The following FGF14 variants were observed in gnomAD, a reference collection of about 807,000 sequenced individuals.
The protein encoded by FGF14 is fibroblast growth factor 14.
FGF14 carries 5 observed loss-of-function variants against 25.5 expected under a neutral mutation model. The observed-to-expected ratio is 0.20, with a 90% confidence interval of 0.10 to 0.41. FGF14 has a LOEUF of 0.41. Ranked by LOEUF, FGF14 falls within the 10% of genes least tolerant of loss-of-function variation. The pLI is 1.00. For synonymous variants in FGF14, 138 were observed against 118.3 expected (o/e 1.17, Z -1.08); for missense variants, 222 against 320.1 (o/e 0.69, Z 2.34).
chr13:102,074,608 T>C (rs904696882), intron 1 of FGF14, among the ~76,000 whole-genome samples: 1 of 152,122 alleles, frequency 6.6e-6, no homozygotes, highest in East Asian at 1.9e-4. Flanking sequence ...TACCCTGATA[T>C]AAAAGCTAGA....
chr13:102,015,807 C>T (rs932741893), intron 1 of FGF14, among the ~76,000 whole-genome samples: 2 of 152,084 alleles, frequency 1.3e-5, no homozygotes, highest in African/African-American at 2.4e-5. Flanking sequence ...GAAAAAAAAT[C>T]GACTTAAAGA....
At chr13:102,190,473 C>G (rs1355349389) in intron 1 of FGF14, among the ~76,000 whole-genome samples, 2 of 152,120 alleles carry the variant, frequency 1.3e-5, no homozygotes, top group Non-Finnish European at 2.9e-5. Context: ...AAGGATCCTA[C>G]AATGCCCAGA....
In FGF14 at chr13:101,714,135, T is replaced by G; in HGVS notation, c.*8696A>C. On this transcript the variant is annotated 3_prime_UTR_variant, in exon 5 of 5. Coordinates refer to ENST00000376143, the MANE Select transcript of FGF14 (RefSeq NM_004115.4). The stretch of plus-strand genomic sequence containing the variant: ...AAAAATCTATTTTTGAATACTTTTT[T>G]GGAAGACCATCTATAAGAATCAACC... 1 of 265,158 alleles carries G rather than the reference T, an allele frequency of 3.8e-6. No individual in the cohort carries two copies. The highest frequency in any genetic ancestry group is 7.1e-6 in the Non-Finnish European group (1 of 141,748). The allele number at this position is 265,158 out of a possible 1,614,324, so 16.4% of individuals were successfully genotyped here.
intron 1 of FGF14, among the ~76,000 whole-genome samples, chr13:102,332,771 A>G (rs2056672516): frequency 6.6e-6 from 1 of 152,152 alleles, no homozygotes; most frequent in Admixed American, 6.6e-5. Context: ...AAGTTTCTTA[A>G]CACTTATAAA....
chr13:102,075,749 T>C (rs908772731), intron 1 of FGF14, among the ~76,000 whole-genome samples: 1 of 152,140 alleles, frequency 6.6e-6, no homozygotes, highest in Admixed American at 6.6e-5. Flanking sequence ...GAGATGACAG[T>C]TCCATGCGTG....
chr13:102,023,672 T>G (rs2040785433), intron 1 of FGF14, among the ~76,000 whole-genome samples: 1 of 152,094 alleles, frequency 6.6e-6, no homozygotes, highest in South Asian at 2.1e-4. Context: ...TACTGGGCAA[T>G]TCATATCAAT....
chr13:101,807,036 C>T lies in FGF14; in HGVS notation c.408+61689G>A, dbSNP rs572835144. Among the ~76,000 whole-genome samples the T allele has an allele frequency of 6.6e-5, 10 of 151,818 alleles. No individual in the cohort carries two copies. In the South Asian group the frequency reaches 1.7e-3, roughly 25 times the overall value. On this transcript the variant is annotated intron_variant, in intron 3 of 4. Coordinates refer to ENST00000376143, the MANE Select transcript of FGF14 (RefSeq NM_004115.4). ...CACTAAATTTAAAAACAAAAGGAAG[C>T]GGAGAAGATTATAAGAAAAAGAAAA... is the stretch of plus-strand genomic sequence containing the variant.
In FGF14 at chr13:101,750,205, T is replaced by C. The variant is rs563577595; in HGVS notation, c.409-23395A>G. 2.0e-5 allele frequency among the ~76,000 whole-genome samples: 3 copies of C among 152,204 alleles called. No homozygotes were observed. In the East Asian group the frequency reaches 5.8e-4, roughly 29 times the overall value. ...GTGTAGCAGCCTGAATAGAATAAGA[T>C]CATGTCTATGGTCAGAGCACAAATA... On this transcript the variant is annotated intron_variant, in intron 3 of 4. Transcript: ENST00000376143.
intron 1 of FGF14, among the ~76,000 whole-genome samples, chr13:102,266,542 C>T (rs968296122): frequency 5.3e-5 from 8 of 151,986 alleles, no homozygotes; most frequent in South Asian, 4.2e-4. Flanking sequence ...AGATAAATAC[C>T]GCATTTTATA....
At chr13:101,807,469 T>C (rs1391689086) in intron 3 of FGF14, among the ~76,000 whole-genome samples, 1 of 152,134 alleles carries the variant, frequency 6.6e-6, no homozygotes, top group Non-Finnish European at 1.5e-5. Flanking sequence ...CAAAGCAATA[T>C]GATATATGTA....
Position 102,400,545 on chromosome 13 carries a change from C to CTT in FGF14, c.208+925_208+926insAA, listed in dbSNP as rs1251481813. 5.3e-5 allele frequency among the ~76,000 whole-genome samples: 8 copies of CTT among 152,314 alleles called. No homozygotes were observed. In the East Asian group the frequency reaches 1.5e-3, roughly 29 times the overall value. ...TTGCTCGCCCACAGCTCCGCGGCCG[C>CTT]CCCCAATCGCCTCGGACTGAGACGC... is the stretch of plus-strand genomic sequence containing the variant. On this transcript the variant is annotated intron_variant, in intron 1 of 4. Coordinates refer to the FGF14 transcript ENST00000376131. This position sits in a 1 kb window ranked among gnomAD's most constrained non-coding sequence, Gnocchi z 4.3.
chr13:102,003,520 A>G (rs2139751125), intron 1 of FGF14, among the ~76,000 whole-genome samples: 1 of 152,302 alleles, frequency 6.6e-6, no homozygotes. Context: ...ATACAATGCT[A>G]AGCTGAGGGA....
chr13:102,342,725 A>G (rs1380799736), intron 1 of FGF14, among the ~76,000 whole-genome samples: 2 of 152,148 alleles, frequency 1.3e-5, no homozygotes, highest in East Asian at 3.9e-4. Flanking sequence ...AAAAATGTTG[A>G]TGTCATTTTC....
chr13:102,335,836 T>G (rs374913966), intron 1 of FGF14, among the ~76,000 whole-genome samples: 30 of 152,328 alleles, frequency 2.0e-4, no homozygotes, highest in African/African-American at 6.7e-4. Context: ...CTTTTCATTA[T>G]TGTTATATCT....
rs113857540 is a variant in FGF14 at position 102,323,915 on chromosome 13, G to A, written c.208+77556C>T. 8.7e-3 allele frequency among the ~76,000 whole-genome samples: 1,310 copies of A among 150,976 alleles called. 13 individuals carry two copies. Among genetic ancestry groups the A allele is most frequent in the Middle Eastern group, 0.021 (6 of 292 alleles). On this transcript the variant is annotated intron_variant, in intron 1 of 4. Transcript: ENST00000376131. ...CCTTCAAACCACTGCTTAACAGAAT[G>A]TTATATATCAGATGACTCTTTAAAG...
At chr13:102,081,597 A>T (rs926441162) in intron 1 of FGF14, among the ~76,000 whole-genome samples, 1 of 152,158 alleles carries the variant, frequency 6.6e-6, no homozygotes, top group Non-Finnish European at 1.5e-5. Context: ...TAAAAAAAAA[A>T]TTGTGGCCTT....
intron 1 of FGF14, among the ~76,000 whole-genome samples, chr13:102,274,118 A>G (rs571479349): frequency 4.7e-4 from 72 of 152,286 alleles, no homozygotes; most frequent in Non-Finnish European, 9.0e-4. Flanking sequence ...GGCACGTAGC[A>G]AATGTTCTAT....
In FGF14 at chr13:102,296,234, T is replaced by C. The variant is rs2054703346; in HGVS notation, c.208+105237A>G. Among the ~76,000 whole-genome samples, 3 of 152,152 alleles carry C rather than the reference T, an allele frequency of 2.0e-5. No individual in the cohort carries two copies. In the South Asian group the frequency reaches 6.2e-4, roughly 32 times the overall value. ...TCTGAGTTCTAGAGATCTCTTTGTG[T>C]TCTATATTAAAATGTTTTCCAATAG... On this transcript the variant is annotated intron_variant, in intron 1 of 4. Transcript: ENST00000376131.
At chr13:102,111,721 GAA>G (rs76260816) in intron 1 of FGF14, among the ~76,000 whole-genome samples, 128 of 81,208 alleles carry the variant, frequency 1.6e-3, no homozygotes, top group African/African-American at 4.3e-3. Context: ...GTCTAAAAAA[GAA>G]AAAAAAAAAA....
Sources: gnomAD v4.1 joint callset for allele counts (sites outside exome capture counted in the v4.1 genomes callset) on GRCh38, gnomAD v4.1.1 for gene constraint, Gnocchi (gnomAD v3.1) non-coding constraint, MANE v1.5 for transcripts, NCBI Gene and HGNC (gene_info 2026-07-23, HGNC 2026-07-21) for gene names.